PRORP: variants seen among roughly 807,000 people sequenced by gnomAD.
PRORP encodes the protein protein only RNase P catalytic subunit, also known as mitochondrial ribonuclease P catalytic subunit.
A neutral mutation model predicts 59.4 loss-of-function variants in PRORP; 51 were observed. The observed-to-expected ratio is 0.86, with a 90% confidence interval of 0.69 to 1.08. The LOEUF (loss-of-function observed/expected upper bound fraction) is 1.08, where lower values mean the gene tolerates loss of function less well. PRORP is among the 50% of genes least tolerant of loss of function. The pLI is 0.00. For synonymous variants in PRORP, 231 were observed against 245.6 expected (o/e 0.94, Z 0.55); for missense variants, 646 against 690.3 (o/e 0.94, Z 0.72).
chr14:35,134,870 C>T (rs979765970), intron 4 of PRORP, among the ~76,000 whole-genome samples: 1 of 152,162 alleles, frequency 6.6e-6, no homozygotes, highest in Non-Finnish European at 1.5e-5. Context: ...AGTTGCAATC[C>T]TTGTGGCTTA....
chr14:35,172,498 C>T (rs28653216), intron 4 of PRORP, among the ~76,000 whole-genome samples: 9 of 34,494 alleles, frequency 2.6e-4, no homozygotes, highest in African/African-American at 3.4e-4. Flanking sequence ...CTTCCTCTCT[C>T]CCTCTCTCCC....
chr14:35,172,477 CCTTT>C (rs1288950388), intron 4 of PRORP, among the ~76,000 whole-genome samples: 1 of 46,362 alleles, frequency 2.2e-5, no homozygotes, highest in Non-Finnish European at 4.5e-5. Context: ...TCCCCTCTTT[CCTTT>C]CTTTCCCTTC....
At chr14:35,145,843 T>C (rs368884332) in intron 4 of PRORP, among the ~76,000 whole-genome samples, 1 of 44,978 alleles carries the variant, frequency 2.2e-5, no homozygotes, top group Non-Finnish European at 5.9e-5. Flanking sequence ...TTTTTTATTT[T>C]TTGAGACAGA....
intron 5 of PRORP, among the ~76,000 whole-genome samples, chr14:35,189,011 T>G (rs1017176434): frequency 7.2e-5 from 11 of 151,806 alleles, no homozygotes; most frequent in Non-Finnish European, 1.3e-4. Flanking sequence ...ATGTTTCTTC[T>G]AAGAGTTTTA....
At chr14:35,250,411 C>T (rs760367804) in intron 5 of PRORP, among the ~76,000 whole-genome samples, 22 of 152,158 alleles carry the variant, frequency 1.4e-4, no homozygotes, top group Non-Finnish European at 2.6e-4. Context: ...GAAAATTATT[C>T]CTGAGTTTAG....
chr14:35,233,032 A>G (rs1178052941), intron 5 of PRORP, among the ~76,000 whole-genome samples: 1 of 152,154 alleles, frequency 6.6e-6, no homozygotes, highest in Non-Finnish European at 1.5e-5. Context: ...TTTTGGACTC[A>G]TTCTCTTAAT....
chr14:35,229,609 G>T (rs1243705534), intron 5 of PRORP, among the ~76,000 whole-genome samples: 3 of 152,122 alleles, frequency 2.0e-5, no homozygotes, highest in Non-Finnish European at 4.4e-5. Flanking sequence ...CCTATAGTAT[G>T]CCAACCTTTT....
intron 6 of PRORP, 95 bp downstream of exon 6, chr14:35,266,970 G>A (rs2051058142): frequency 2.5e-6 from 3 of 1,185,366 alleles, no homozygotes; most frequent in Non-Finnish European, 3.6e-6. Flanking sequence ...AAATGCATGT[G>A]TATGTGTATA....
At chr14:35,174,421 T>A (rs555916259) in intron 4 of PRORP, among the ~76,000 whole-genome samples, 86 of 152,280 alleles carry the variant, frequency 5.6e-4, no homozygotes, top group Non-Finnish European at 8.7e-4. Context: ...CTTATTGACT[T>A]CGTTTATTTT....
At chr14:35,195,475 C>T (rs1184835040) in intron 5 of PRORP, among the ~76,000 whole-genome samples, 1 of 151,904 alleles carries the variant, frequency 6.6e-6, no homozygotes, top group Non-Finnish European at 1.5e-5. Context: ...TATGTATATT[C>T]AGGGAAAAAA....
chr14:35,200,404 C>A (rs1462970937), intron 5 of PRORP, among the ~76,000 whole-genome samples: 5 of 152,120 alleles, frequency 3.3e-5, no homozygotes, highest in African/African-American at 7.2e-5. Context: ...CTTGGCCAGG[C>A]TGGTCTTGAA....
At chr14:35,264,564 A>G (rs527985431) in intron 5 of PRORP, among the ~76,000 whole-genome samples, 4 of 152,230 alleles carry the variant, frequency 2.6e-5, no homozygotes, top group African/African-American at 9.6e-5. Context: ...GGCCCATTCT[A>G]TGTCTTAATT....
At chr14:35,223,584 C>A (rs2049853594) in intron 5 of PRORP, among the ~76,000 whole-genome samples, 1 of 151,752 alleles carries the variant, frequency 6.6e-6, no homozygotes, top group South Asian at 2.1e-4. Context: ...CTCAGCCTCC[C>A]AAGTAGCTGG....
chr14:35,144,665 A>T (rs1010535101), intron 4 of PRORP, among the ~76,000 whole-genome samples: 6 of 146,020 alleles, frequency 4.1e-5, no homozygotes, highest in African/African-American at 1.5e-4. Context: ...CTTTGATACT[A>T]TGCCCAAACT....
chr14:35,225,084 A>T (rs1230630353), intron 5 of PRORP, among the ~76,000 whole-genome samples: 1 of 152,094 alleles, frequency 6.6e-6, no homozygotes, highest in East Asian at 1.9e-4. Context: ...ATTTTTTTCC[A>T]TGTTTGCATA....
At chr14:35,257,121 C>T (rs927955420) in intron 5 of PRORP, among the ~76,000 whole-genome samples, 6 of 152,056 alleles carry the variant, frequency 3.9e-5, no homozygotes, top group East Asian at 3.9e-4. Flanking sequence ...GTGATTTGCC[C>T]GCCTCAGCCT....
intron 5 of PRORP, among the ~76,000 whole-genome samples, chr14:35,244,582 G>A (rs918704201): frequency 3.9e-5 from 6 of 151,926 alleles, no homozygotes; most frequent in African/African-American, 1.5e-4. Context: ...CCTCAAAAAT[G>A]GTAGAATATT....
chr14:35,135,752 G>A (rs2047355449), intron 4 of PRORP, among the ~76,000 whole-genome samples: 1 of 152,134 alleles, frequency 6.6e-6, no homozygotes, highest in Admixed American at 6.6e-5. Context: ...GAAGTCAGGA[G>A]TTTGAGACCA....
At position 35,221,167 on chromosome 14, in the gene PRORP, G is replaced by A. The variant is rs2049769904; in HGVS notation, c.1275+40390G>A. Among the ~76,000 whole-genome samples the A allele has an allele frequency of 2.0e-5, 3 of 152,288 alleles. No homozygotes were observed. The South Asian group carries it at 6.2e-4, about 32-fold the overall frequency. On this transcript the variant is annotated intron_variant, in intron 5 of 7. Coordinates refer to ENST00000534898, the MANE Select transcript of PRORP (RefSeq NM_014672.4). ...AGGGGAGAACGCAAGGTGGTTCCAG[G>A]CAATTGTGCAGGACTGGGACTAGGG... is the stretch of plus-strand genomic sequence containing the variant.
Sources: allele counts gnomAD v4.1 joint callset (sites outside exome capture counted in the v4.1 genomes callset), GRCh38; gene constraint gnomAD v4.1.1; transcripts MANE v1.5; gene names NCBI Gene and HGNC (gene_info 2026-07-23, HGNC 2026-07-21).